Variants in ADAMTSL3 observed in about 807,000 individuals in gnomAD.
ADAMTSL3 encodes the protein ADAMTS like 3.
In ADAMTSL3, 128 loss-of-function variants were observed where a neutral mutation model predicts 201.7. The ratio of observed to expected loss-of-function variants is 0.63; its 90% confidence interval spans 0.55 to 0.73. ADAMTSL3 has a LOEUF of 0.73. Among genes scored for constraint, ADAMTSL3 ranks in the 30% least tolerant of loss-of-function variants. The pLI is 0.00. For missense variants in ADAMTSL3, 1,990 were observed against 2,119.6 expected (o/e 0.94, Z 1.20); for synonymous variants, 738 against 748.4 (o/e 0.99, Z 0.23).
chr15:83,942,822 G>T (rs2066587700), intron 18 of ADAMTSL3, 34 bp downstream of exon 18: 1 of 1,608,376 alleles, frequency 6.2e-7, no homozygotes, highest in Admixed American at 1.7e-5. Context: ...GGCCCTCTGT[G>T]ATTATGACTG....
At chr15:83,736,385 G>T (rs911407426) in intron 3 of ADAMTSL3, among the ~76,000 whole-genome samples, 3 of 152,106 alleles carry the variant, frequency 2.0e-5, no homozygotes, top group African/African-American at 7.2e-5. Flanking sequence ...ATCGCATATG[G>T]CAAATCTCAT....
chr15:83,763,458 T>C (rs2062840661), intron 3 of ADAMTSL3, among the ~76,000 whole-genome samples: 1 of 151,974 alleles, frequency 6.6e-6, no homozygotes, highest in Non-Finnish European at 1.5e-5. Context: ...CTCAGAAATC[T>C]ATATTTTTAT....
At chr15:83,832,890 A>G (rs551476595) in intron 6 of ADAMTSL3, among the ~76,000 whole-genome samples, 2 of 152,184 alleles carry the variant, frequency 1.3e-5, no homozygotes, top group African/African-American at 4.8e-5. Flanking sequence ...TCTGATTTGT[A>G]TTAGAGGCAC....
chr15:83,900,535 C>T (rs549665913), intron 15 of ADAMTSL3, among the ~76,000 whole-genome samples: 5 of 152,226 alleles, frequency 3.3e-5, no homozygotes, highest in African/African-American at 9.6e-5. Context: ...CCATGTCAAA[C>T]ATGTTAAGTG....
intron 7 of ADAMTSL3, among the ~76,000 whole-genome samples, chr15:83,841,250 CATTAT>C (rs969581715): frequency 1.3e-5 from 2 of 152,206 alleles, no homozygotes; most frequent in African/African-American, 2.4e-5. Flanking sequence ...AGCATTCTTA[CATTAT>C]AATTTGGATA....
At chr15:83,937,460 A>C (rs1207797358) in intron 17 of ADAMTSL3, among the ~76,000 whole-genome samples, 4 of 150,626 alleles carry the variant, frequency 2.7e-5, no homozygotes, top group Non-Finnish European at 5.9e-5. Flanking sequence ...CTAAATATTG[A>C]GAATACATCA....
At chr15:83,993,420 T>A (rs11856918) in intron 23 of ADAMTSL3, among the ~76,000 whole-genome samples, 2 of 152,224 alleles carry the variant, frequency 1.3e-5, no homozygotes, top group Admixed American at 1.3e-4. Flanking sequence ...CAAATTACAT[T>A]TTTATATTGC....
At chr15:83,879,927 A>G (rs1567209560) in intron 9 of ADAMTSL3, among the ~76,000 whole-genome samples, 1 of 152,186 alleles carries the variant, frequency 6.6e-6, no homozygotes, top group Non-Finnish European at 1.5e-5. Context: ...TTCTGTTATT[A>G]TAAAACGTTT....
intron 19 of ADAMTSL3, among the ~76,000 whole-genome samples, chr15:83,958,334 G>A (rs1439452785): frequency 1.3e-5 from 2 of 152,178 alleles, no homozygotes; most frequent in Non-Finnish European, 2.9e-5. Flanking sequence ...GGCTTAAGAA[G>A]TGCCCAAGAA....
intron 3 of ADAMTSL3, among the ~76,000 whole-genome samples, chr15:83,760,074 T>C (rs766995279): frequency 6.6e-5 from 10 of 152,186 alleles, no homozygotes; most frequent in Admixed American, 5.9e-4. Context: ...GTCATCCTTA[T>C]TATTCTACTT....
At chr15:83,928,875 A>G (rs1812607101) in intron 17 of ADAMTSL3, among the ~76,000 whole-genome samples, 1 of 152,098 alleles carries the variant, frequency 6.6e-6, no homozygotes, top group Admixed American at 6.6e-5. Context: ...GGAATCACAT[A>G]AAGTGGCCTT....
chr15:83,822,334 C>T (rs1169029599), intron 6 of ADAMTSL3, among the ~76,000 whole-genome samples: 4 of 143,842 alleles, frequency 2.8e-5, no homozygotes, highest in East Asian at 4.4e-4. Flanking sequence ...GGCTGCCGGG[C>T]GGAGGGGCTC....
At chr15:83,865,069 C>T (rs1361057285) in intron 8 of ADAMTSL3, among the ~76,000 whole-genome samples, 4 of 152,034 alleles carry the variant, frequency 2.6e-5, no homozygotes, top group Admixed American at 2.0e-4. Context: ...ACATGAAGGA[C>T]CTCTTCAAGG....
At chr15:83,861,208 G>T (rs976994517) in intron 8 of ADAMTSL3, among the ~76,000 whole-genome samples, 5 of 152,162 alleles carry the variant, frequency 3.3e-5, no homozygotes, top group African/African-American at 4.8e-5. Flanking sequence ...CTCCACTTCT[G>T]GGGGCAGGGC....
Position 83,970,644 on chromosome 15 carries a change from A to G in ADAMTSL3, c.2644+7A>G. On this transcript the variant is annotated splice_region_variant and intron_variant, in intron 20 of 29. Coordinates refer to ENST00000286744, the MANE Select transcript of ADAMTSL3 (RefSeq NM_207517.3). ...CAGATGCCTGAGTGCAGTAGTAAGTATGCGGTGTCCGCGCTTCACCAAGAT... is the reference window on the plus strand; with the variant it reads ...CAGATGCCTGAGTGCAGTAGTAAGTGTGCGGTGTCCGCGCTTCACCAAGAT... 3 of 1,613,870 alleles carry G rather than the reference A, an allele frequency of 1.9e-6. No individual in the cohort carries two copies. Among genetic ancestry groups the G allele is most frequent in the Non-Finnish European group, 2.5e-6 (3 of 1,179,914 alleles).
In ADAMTSL3 at chr15:83,818,898, C is replaced by T. The variant is rs189486039; in HGVS notation, c.364-913C>T. On this transcript the variant is annotated intron_variant, in intron 5 of 29. Coordinates refer to ENST00000286744, the MANE Select transcript of ADAMTSL3 (RefSeq NM_207517.3). Reference sequence around the variant, plus strand: ...ACAAGCTATGTTTTCTGCCGTCCATCCTACAGCCAGTTGAAGGCAGGTACT... The same window carrying T: ...ACAAGCTATGTTTTCTGCCGTCCATTCTACAGCCAGTTGAAGGCAGGTACT... 3.0e-3 allele frequency among the ~76,000 whole-genome samples: 462 copies of T among 152,254 alleles called. 1 individual carries two copies. Among genetic ancestry groups the T allele is most frequent in the Non-Finnish European group, 4.5e-3 (307 of 68,016 alleles).
At chr15:83,699,302 A>G (rs1217062557) in intron 2 of ADAMTSL3, among the ~76,000 whole-genome samples, 1 of 152,116 alleles carries the variant, frequency 6.6e-6, no homozygotes, top group Non-Finnish European at 1.5e-5. Flanking sequence ...CCTCACCAAC[A>G]AATCAGTTTC....
At chr15:83,771,450 A>T (rs72746924) in intron 3 of ADAMTSL3, among the ~76,000 whole-genome samples, 13,352 of 152,184 alleles carry the variant, frequency 0.088, 735 homozygotes, top group East Asian at 0.24. Context: ...TCATTTCCTT[A>T]TCACCCCAGT....
intron 17 of ADAMTSL3, among the ~76,000 whole-genome samples, chr15:83,926,542 T>C (rs2066248213): frequency 6.6e-6 from 1 of 152,194 alleles, no homozygotes; most frequent in African/African-American, 2.4e-5. Flanking sequence ...GCATCCTCGA[T>C]TTAAAGCCTG....
Sources: allele counts gnomAD v4.1 joint callset (sites outside exome capture counted in the v4.1 genomes callset), GRCh38; gene constraint gnomAD v4.1.1; transcripts MANE v1.5; gene names NCBI Gene and HGNC (gene_info 2026-07-23, HGNC 2026-07-21).